The following CACNA2D4 variants were observed in gnomAD, a reference collection of about 807,000 sequenced individuals.
The protein encoded by CACNA2D4 is calcium voltage-gated channel auxiliary subunit alpha2delta 4, also known as voltage-dependent calcium channel subunit alpha-2/delta-4.
A neutral mutation model predicts 163.8 loss-of-function variants in CACNA2D4; 157 were observed. The observed-to-expected ratio is 0.96, with a 90% CI of 0.84 to 1.09. The LOEUF is 1.09. CACNA2D4 is among the 50% of genes least tolerant of loss of function. The probability of loss-of-function intolerance (pLI) is 0.00; values close to 1 mark genes in which losing one functional copy is unlikely to be tolerated. For missense variants in CACNA2D4, 1,410 were observed against 1,479.9 expected (o/e 0.95, Z 0.78); for synonymous variants, 598 against 586.9 (o/e 1.02, Z -0.27).
At position 1,799,845 on chromosome 12, in the gene CACNA2D4, G is replaced by A; in HGVS notation, c.2975-150C>T. 4.7e-6 allele frequency: 6 copies of A among 1,283,092 alleles called. No homozygotes were observed. Among genetic ancestry groups the A allele is most frequent in the South Asian group, 1.3e-5 (1 of 78,402 alleles). The allele number at this position is 1,283,092 out of a possible 1,614,324, so 79.5% of individuals were successfully genotyped here. A position where few individuals can be genotyped will look rare whatever the true frequency, so the allele number is the denominator to read the frequency against. On this transcript the variant is annotated intron_variant, in intron 33 of 37. Coordinates refer to ENST00000382722, the MANE Select transcript of CACNA2D4 (RefSeq NM_172364.5). The surrounding 1 kb of genome is among the most constrained non-coding windows in gnomAD (Gnocchi z 4.7). ...ACACACAGAGCCAGGAGTGAGGGAT[G>A]TGATGAGAGAAGGCCACGCAGGGTG...
intron 13 of CACNA2D4, among the ~76,000 whole-genome samples, chr12:1,882,181 G>A (rs758159): frequency 0.12 from 18,154 of 152,262 alleles, 1,149 homozygotes; most frequent in Admixed American, 0.14. Context: ...GCAGGGAGGA[G>A]CCTGGGTCCC....
rs187641962 is a variant in CACNA2D4 at position 1,840,936 on chromosome 12, G to T, written c.2471-117C>A. ...AAAGCAGGCGAAGGCATCCTTGGAA[G>T]AATTGAGGCGAGGGTGGGGACAGGG... is the stretch of plus-strand genomic sequence containing the variant. On this transcript the variant is annotated intron_variant, in intron 25 of 37. Coordinates refer to ENST00000382722, the MANE Select transcript of CACNA2D4 (RefSeq NM_172364.5). 6.7e-4 allele frequency: 581 copies of T among 864,958 alleles called. 1 individual carries two copies. The highest frequency in any genetic ancestry group is 9.5e-4 in the Non-Finnish European group (495 of 521,020). The allele number at this position is 864,958 out of a possible 1,614,324, so 53.6% of individuals were successfully genotyped here.
intron 13 of CACNA2D4, 95 bp from the exon 14 acceptor site, chr12:1,879,976 C>T (rs1865960792): frequency 2.8e-6 from 2 of 711,374 alleles, no homozygotes; most frequent in African/African-American, 3.6e-5. Context: ...CCACAGTCAC[C>T]ACATCAATTA....
At chr12:1,859,799 G>A (rs866261202) in intron 19 of CACNA2D4, among the ~76,000 whole-genome samples, 14 of 152,240 alleles carry the variant, frequency 9.2e-5, no homozygotes, top group African/African-American at 3.4e-4. Flanking sequence ...CCGCCCTCGG[G>A]GAAATGACCT....
rs1171653986 is a variant in CACNA2D4 at position 1,833,921 on chromosome 12, C to T, written c.2551+6818G>A. On this transcript the variant is annotated intron_variant, in intron 26 of 37. Transcript: ENST00000382722. The surrounding 1 kb of genome is among the most constrained non-coding windows in gnomAD (Gnocchi z 4.2). ...GACAGCCCTTTCCTGGGAACCTCCC[C>T]ATGTTAGCACTGCCTTACTCTGTGG... Among the ~76,000 whole-genome samples, 1 of 152,202 alleles carries T rather than the reference C, an allele frequency of 6.6e-6. No homozygotes were observed. The highest frequency in any genetic ancestry group is 1.5e-5 in the Non-Finnish European group (1 of 68,032).
At position 1,917,780 on chromosome 12, in the gene CACNA2D4, C is replaced by T. The variant is rs894532028; in HGVS notation, c.227+467G>A. Among the ~76,000 whole-genome samples, 6 of 152,198 alleles carry T rather than the reference C, an allele frequency of 3.9e-5. No homozygotes were observed. The highest frequency in any genetic ancestry group is 3.9e-4 in the Admixed American group (6 of 15,278). ...GTTCCTGGACAAGCCACCTCCTGTG[C>T]GCATGAGACGTTCTGTGGGTTCAGA... On this transcript the variant is annotated intron_variant, in intron 1 of 37. Coordinates refer to ENST00000382722, the MANE Select transcript of CACNA2D4 (RefSeq NM_172364.5). This position sits in a 1 kb window ranked among gnomAD's most constrained non-coding sequence, Gnocchi z 4.3.
At chr12:1,860,005 G>A in intron 19 of CACNA2D4, 140 bp downstream of exon 19, 2 of 660,722 alleles carry the variant, frequency 3.0e-6, no homozygotes, top group South Asian at 3.6e-5. Flanking sequence ...AGGCTACACT[G>A]GCAAAGCAGG....
rs1206920792 is a variant in CACNA2D4 at position 1,846,593 on chromosome 12, C to T, written c.2342+1G>A. On this transcript the variant is annotated splice_donor_variant, in intron 24 of 37. Coordinates refer to ENST00000382722, the MANE Select transcript of CACNA2D4 (RefSeq NM_172364.5). LOFTEE classifies it high-confidence loss of function. ...CTCCCGAGGTGGCCGGCCCAACCCACCTGTCGGAGACCTTCTCGGAGCCCA... is the reference window on the plus strand; with the variant it reads ...CTCCCGAGGTGGCCGGCCCAACCCATCTGTCGGAGACCTTCTCGGAGCCCA... 1 of 1,591,674 alleles carries T rather than the reference C, an allele frequency of 6.3e-7. No individual in the cohort carries two copies. Among genetic ancestry groups the T allele is most frequent in the Non-Finnish European group, 8.5e-7 (1 of 1,172,972 alleles).
At chr12:1,897,391 C>G (rs1277833646) in intron 6 of CACNA2D4, among the ~76,000 whole-genome samples, 1 of 152,118 alleles carries the variant, frequency 6.6e-6, no homozygotes, top group Non-Finnish European at 1.5e-5. Context: ...GAAATGTTCC[C>G]AACACATAGA....
chr12:1,846,779 T>A (rs1565708231), intron 23 of CACNA2D4, 90 bp from the exon 24 acceptor site: 9 of 1,062,936 alleles, frequency 8.5e-6, no homozygotes, highest in East Asian at 5.2e-5. Context: ...CTCTCCTTGC[T>A]CCTGCCTGGC....
chr12:1,796,638 G>GC (rs1396250265), intron 35 of CACNA2D4, among the ~76,000 whole-genome samples: 1 of 152,246 alleles, frequency 6.6e-6, no homozygotes, highest in East Asian at 1.9e-4. Flanking sequence ...AACCCGCGCA[G>GC]CACGACGCGC....
At chr12:1,805,777 G>C (rs1039722212) in intron 29 of CACNA2D4, among the ~76,000 whole-genome samples, 2 of 152,260 alleles carry the variant, frequency 1.3e-5, no homozygotes, top group Non-Finnish European at 2.9e-5. Context: ...GAGCACCGCT[G>C]CCAGGGCATG....
At chr12:1,830,155 T>A (rs1864557007) in intron 26 of CACNA2D4, among the ~76,000 whole-genome samples, 1 of 152,236 alleles carries the variant, frequency 6.6e-6, no homozygotes, top group Admixed American at 6.5e-5. Context: ...AGAGCCTAGA[T>A]GGCTTTAGGG....
At chr12:1,870,222 G>A (rs1213196657) in intron 18 of CACNA2D4, among the ~76,000 whole-genome samples, 3 of 152,160 alleles carry the variant, frequency 2.0e-5, no homozygotes, top group Non-Finnish European at 2.9e-5. Flanking sequence ...CTGAGATCCC[G>A]TGTTGAGATC....
At chr12:1,914,385 C>T (rs535782622) in intron 2 of CACNA2D4, among the ~76,000 whole-genome samples, 6 of 152,272 alleles carry the variant, frequency 3.9e-5, no homozygotes, top group African/African-American at 1.4e-4. Flanking sequence ...GGGGCGGATG[C>T]TGGACATGGC....
At chr12:1,841,844 C>T (rs751182233) in intron 25 of CACNA2D4, among the ~76,000 whole-genome samples, 3 of 152,212 alleles carry the variant, frequency 2.0e-5, no homozygotes, top group African/African-American at 7.2e-5. Flanking sequence ...CACCCGCTGT[C>T]GTCAAATATC....
rs547777280 is a variant in CACNA2D4 at position 1,917,739 on chromosome 12, T to C, written c.227+508A>G. Among the ~76,000 whole-genome samples, 1 of 152,186 alleles carries C rather than the reference T, an allele frequency of 6.6e-6. No individual in the cohort carries two copies. The highest frequency in any genetic ancestry group is 2.4e-5 in the African/African-American group (1 of 41,520). On this transcript the variant is annotated intron_variant, in intron 1 of 37. Transcript: ENST00000382722. This position sits in a 1 kb window ranked among gnomAD's most constrained non-coding sequence, Gnocchi z 4.3. ...AAAGGGAAGACTGCGGCCACCAAAA[T>C]CCATTTTTTTCCCCAGTTCCTGGAC...
intron 23 of CACNA2D4, among the ~76,000 whole-genome samples, chr12:1,848,895 C>T (rs765688862): frequency 2.6e-5 from 4 of 152,200 alleles, no homozygotes; most frequent in Non-Finnish European, 5.9e-5. Flanking sequence ...GCCGTGCCTC[C>T]ACAGCCAGCT....
intron 3 of CACNA2D4, 71 bp downstream of exon 3, chr12:1,912,952 G>T: frequency 1.1e-6 from 1 of 910,714 alleles, no homozygotes; most frequent in East Asian, 2.5e-5. Context: ...CCATGACATC[G>T]GGAGGGTCAC....
Sources: gnomAD v4.1 joint callset for allele counts (sites outside exome capture counted in the v4.1 genomes callset) on GRCh38, gnomAD v4.1.1 for gene constraint, Gnocchi (gnomAD v3.1) non-coding constraint, MANE v1.5 for transcripts, NCBI Gene and HGNC (gene_info 2026-07-23, HGNC 2026-07-21) for gene names.